Variants in NTNG1 observed in about 807,000 individuals in gnomAD.
NTNG1 encodes netrin G1, also known as netrin-G1.
NTNG1 carries 16 observed loss-of-function variants against 54.0 expected under a neutral mutation model. That is an observed-to-expected ratio of 0.30 (90% CI 0.20 to 0.45). NTNG1 has a LOEUF of 0.45. NTNG1 is among the 20% of genes least tolerant of loss of function. NTNG1 has a pLI of 1.00. For missense variants in NTNG1, 530 were observed against 678.7 expected, an observed-to-expected ratio of 0.78 and a Z score of 2.43; for synonymous variants, 255 against 263.1, an observed-to-expected ratio of 0.97 and a Z score of 0.30.
chr1:107,462,871 C>G (rs543705900), intron 7 of NTNG1, among the ~76,000 whole-genome samples: 46 of 152,190 alleles, frequency 3.0e-4, no homozygotes, highest in Admixed American at 2.4e-3. Flanking sequence ...TTTATAGATG[C>G]AGAAGCCAAG....
Position 107,152,770 on chromosome 1 carries a change from G to A in NTNG1, c.246+3931G>A, listed in dbSNP as rs549615208. On this transcript the variant is annotated intron_variant, in intron 2 of 7. Transcript: ENST00000370068. ...GACATTAAATGTTTCCCTTGGAGAC[G>A]TTCAGCATCATTAATGCAGCATGCC... Among the ~76,000 whole-genome samples the A allele has an allele frequency of 6.6e-4, 101 of 152,294 alleles. 1 individual carries two copies. Among genetic ancestry groups the A allele is most frequent in the African/African-American group, 2.2e-3 (92 of 41,560 alleles).
rs1659650407 is a variant in NTNG1, at chr1:107,212,311, C to T, written c.246+63472C>T. 2.6e-5 allele frequency among the ~76,000 whole-genome samples: 4 copies of T among 152,186 alleles called. No individual in the cohort carries two copies. In the South Asian group the frequency reaches 8.3e-4, roughly 32 times the overall value. On this transcript the variant is annotated intron_variant, in intron 2 of 7. Transcript: ENST00000370068. ...GCAATATTACATCATTTAATGAGTGCTCACTCTTTGCCAGAGACTGTACCA... is the reference window on the plus strand; with the variant it reads ...GCAATATTACATCATTTAATGAGTGTTCACTCTTTGCCAGAGACTGTACCA...
chr1:107,272,008 C>G (rs574714350), intron 2 of NTNG1, among the ~76,000 whole-genome samples: 14 of 152,126 alleles, frequency 9.2e-5, no homozygotes, highest in African/African-American at 2.9e-4. Context: ...GTTAAAATAC[C>G]CTTCTGACCA....
At chr1:107,466,090 G>A (rs542631970) in intron 7 of NTNG1, among the ~76,000 whole-genome samples, 11 of 152,272 alleles carry the variant, frequency 7.2e-5, no homozygotes, top group African/African-American at 2.6e-4. Context: ...AGTATTTGCA[G>A]TTAGCAGTGG....
chr1:107,425,350 G>C (rs540607579), intron 5 of NTNG1, among the ~76,000 whole-genome samples: 2 of 152,042 alleles, frequency 1.3e-5, no homozygotes, highest in East Asian at 3.9e-4. Flanking sequence ...CCCCATTTTA[G>C]AGTGCTCACA....
At chr1:107,401,478 A>G (rs1211716944) in intron 4 of NTNG1, among the ~76,000 whole-genome samples, 2 of 152,174 alleles carry the variant, frequency 1.3e-5, no homozygotes, top group Non-Finnish European at 2.9e-5. Context: ...ATATATTACA[A>G]CAATACCCAC....
rs12066138 is a variant in NTNG1 at position 107,463,688 on chromosome 1, A to C, written c.1391-16923A>C. Among the ~76,000 whole-genome samples, 1,210 of 152,286 alleles carry C rather than the reference A, an allele frequency of 7.9e-3. 17 individuals carry two copies. The highest frequency in any genetic ancestry group is 0.028 in the African/African-American group (1,177 of 41,558). On this transcript the variant is annotated intron_variant, in intron 7 of 7. Coordinates refer to ENST00000370068, the MANE Select transcript of NTNG1 (RefSeq NM_001113226.3). ...TTTGTCAGCAAATTATTGAGAACCAAAATGTACTTGTGGCTTGCAAGATTT... is the reference window on the plus strand; with the variant it reads ...TTTGTCAGCAAATTATTGAGAACCACAATGTACTTGTGGCTTGCAAGATTT...
chr1:107,147,232 C>T (rs937030649), intron 1 of NTNG1, among the ~76,000 whole-genome samples: 1 of 152,022 alleles, frequency 6.6e-6, no homozygotes, highest in African/African-American at 2.4e-5. Context: ...CCATATTATT[C>T]TGCTTCATGG....
At chr1:107,403,199 T>C (rs1266390040) in intron 4 of NTNG1, among the ~76,000 whole-genome samples, 1 of 152,116 alleles carries the variant, frequency 6.6e-6, no homozygotes, top group Non-Finnish European at 1.5e-5. Flanking sequence ...AGAATATCTT[T>C]AAAACAAACG....
chr1:107,308,879 C>A (rs1179356966), intron 2 of NTNG1, among the ~76,000 whole-genome samples: 2 of 152,054 alleles, frequency 1.3e-5, no homozygotes, highest in Non-Finnish European at 2.9e-5. Context: ...GCATTTTATT[C>A]TTTTCTTTTT....
chr1:107,287,114 G>C (rs1665249384), intron 2 of NTNG1, among the ~76,000 whole-genome samples: 1 of 152,092 alleles, frequency 6.6e-6, no homozygotes, highest in South Asian at 2.1e-4. Context: ...AGGAATAATA[G>C]ATGTATTTAT....
chr1:107,384,089 T>C (rs370244181), intron 3 of NTNG1, among the ~76,000 whole-genome samples: 36 of 152,314 alleles, frequency 2.4e-4, no homozygotes, highest in African/African-American at 8.7e-4. Flanking sequence ...CTCATGAGTT[T>C]AGCAAATGGT....
At chr1:107,184,938 A>AACAGCTGGGGACAAGTTG in intron 2 of NTNG1, among the ~76,000 whole-genome samples, 1 of 152,154 alleles carries the variant, frequency 6.6e-6, no homozygotes, top group South Asian at 2.1e-4. Flanking sequence ...GGGAGAACTC[A>AACAGCTGGGGACAAGTTG]ACAGCTGGGG....
At chr1:107,475,237 A>C (rs992396407) in intron 7 of NTNG1, among the ~76,000 whole-genome samples, 1 of 152,182 alleles carries the variant, frequency 6.6e-6, no homozygotes, top group Non-Finnish European at 1.5e-5. Context: ...AGGAGCATGG[A>C]ATGTGGCACT....
At chr1:107,279,823 C>T (rs181591106) in intron 2 of NTNG1, among the ~76,000 whole-genome samples, 206 of 152,132 alleles carry the variant, frequency 1.4e-3, no homozygotes, top group Non-Finnish European at 2.5e-3. Flanking sequence ...TGGGGTCTCT[C>T]TCTGTTGCCC....
upstream of NTNG1, among the ~76,000 whole-genome samples, chr1:107,140,410 C>G (rs1192089831): frequency 1.3e-5 from 2 of 152,034 alleles, no homozygotes; most frequent in Non-Finnish European, 2.9e-5. Flanking sequence ...AGCAGGGTCC[C>G]GGCCGGGAGC....
At chr1:107,367,935 T>G (rs1162524035) in intron 3 of NTNG1, among the ~76,000 whole-genome samples, 1 of 151,944 alleles carries the variant, frequency 6.6e-6, no homozygotes, top group East Asian at 1.9e-4. Context: ...CTAATTTTTG[T>G]AATTTTTAGT....
chr1:107,179,016 T>A (rs1358527618), intron 2 of NTNG1, among the ~76,000 whole-genome samples: 1 of 152,188 alleles, frequency 6.6e-6, no homozygotes, highest in Non-Finnish European at 1.5e-5. Flanking sequence ...AGCTTGACAT[T>A]AATGTAATAG....
At chr1:107,328,845 CATTT>C (rs1349214618) in intron 3 of NTNG1, 2 of 152,022 alleles carry the variant, frequency 1.3e-5, no homozygotes, top group Non-Finnish European at 2.9e-5. Context: ...GTAATCTACT[CATTT>C]ATTTTTAAGA....
Sources: gnomAD v4.1 joint callset for allele counts (sites outside exome capture counted in the v4.1 genomes callset) on GRCh38, gnomAD v4.1.1 for gene constraint, MANE v1.5 for transcripts, NCBI Gene and HGNC (gene_info 2026-07-23, HGNC 2026-07-21) for gene names.